RBFOX1: variants seen among roughly 807,000 people sequenced by gnomAD.
The protein encoded by RBFOX1 is RNA binding protein fox-1 homolog 1.
In RBFOX1, 8 loss-of-function variants were observed where a neutral mutation model predicts 57.7. The ratio of observed to expected loss-of-function variants is 0.14; its 90% CI spans 0.08 to 0.25. RBFOX1 has a LOEUF of 0.25. RBFOX1 is among the 10% of genes least tolerant of loss of function. The pLI, the probability that RBFOX1 is intolerant of heterozygous loss-of-function variation, is 1.00. For synonymous variants in RBFOX1, 326 were observed against 222.4 expected, an observed-to-expected ratio of 1.47 and a Z score of -4.15; for missense variants, 611 against 548.5, an observed-to-expected ratio of 1.11 and a Z score of -1.14.
chr16:6,951,259 AAT>A (rs1428132143), intron 3 of RBFOX1, among the ~76,000 whole-genome samples: 2 of 152,086 alleles, frequency 1.3e-5, no homozygotes. Context: ...AAAGAAACGT[AAT>A]AGAGTCACCC....
At chr16:6,619,631 C>T (rs1389973682) in intron 2 of RBFOX1, among the ~76,000 whole-genome samples, 1 of 151,094 alleles carries the variant, frequency 6.6e-6, no homozygotes, top group African/African-American at 2.4e-5. Context: ...GTGCGTAAAC[C>T]TGTGCCCCTG....
At chr16:7,170,390 G>T (rs952033951) in intron 4 of RBFOX1, among the ~76,000 whole-genome samples, 1 of 152,088 alleles carries the variant, frequency 6.6e-6, no homozygotes, top group Non-Finnish European at 1.5e-5. Context: ...TCTCACCTCA[G>T]CCTCCTGAGT....
chr16:6,048,287 C>G (rs896682083), intron 1 of RBFOX1, among the ~76,000 whole-genome samples: 1 of 152,148 alleles, frequency 6.6e-6, no homozygotes, highest in African/African-American at 2.4e-5. Context: ...ATTACACATG[C>G]CCTTCAAATA....
intron 3 of RBFOX1, among the ~76,000 whole-genome samples, chr16:6,902,617 G>T (rs377388891): frequency 2.0e-5 from 3 of 152,152 alleles, no homozygotes; most frequent in Non-Finnish European, 2.9e-5. Flanking sequence ...AGCTATTCAG[G>T]AGGCTCAGAA....
chr16:7,522,827 C>G (rs941633112), intron 5 of RBFOX1, among the ~76,000 whole-genome samples: 1 of 152,158 alleles, frequency 6.6e-6, no homozygotes, highest in Admixed American at 6.5e-5. Context: ...AAAGAAACCA[C>G]TTTTTAACAG....
chr16:7,645,644 A>G (rs2063601502), intron 11 of RBFOX1, among the ~76,000 whole-genome samples: 1 of 152,230 alleles, frequency 6.6e-6, no homozygotes, highest in Admixed American at 6.5e-5. Flanking sequence ...TTACTCTTCC[A>G]TGTGGAGCAT....
At chr16:5,888,781 G>C (rs990230755) in intron 4 of RBFOX1, among the ~76,000 whole-genome samples, 2 of 114,906 alleles carry the variant, frequency 1.7e-5, no homozygotes, top group East Asian at 5.1e-4. Flanking sequence ...TGGGCGACAA[G>C]AGCGAAACTC....
At chr16:7,194,763 A>C (rs2086269301) in intron 4 of RBFOX1, among the ~76,000 whole-genome samples, 1 of 102,470 alleles carries the variant, frequency 9.8e-6, no homozygotes, top group Non-Finnish European at 2.0e-5. Context: ...CCTCATCTCT[A>C]CAAAAACTAC....
intron 4 of RBFOX1, among the ~76,000 whole-genome samples, chr16:7,134,061 A>G (rs903193144): frequency 6.6e-6 from 1 of 152,190 alleles, no homozygotes; most frequent in Non-Finnish European, 1.5e-5. Flanking sequence ...TCAGTAATGG[A>G]GGGAATCACG....
intron 1 of RBFOX1, among the ~76,000 whole-genome samples, chr16:6,201,863 T>A (rs893269397): frequency 1.3e-5 from 2 of 152,196 alleles, no homozygotes; most frequent in African/African-American, 4.8e-5. Flanking sequence ...CTCTGTCAAC[T>A]CATGGACATA....
chr16:6,166,036 GA>G (rs2096914605), intron 1 of RBFOX1, among the ~76,000 whole-genome samples: 1 of 152,188 alleles, frequency 6.6e-6, no homozygotes, highest in Admixed American at 6.5e-5. Context: ...CAGTGGAGTG[GA>G]AAGTATTCCT....
chr16:6,785,226 T>G (rs2081731976), intron 3 of RBFOX1, among the ~76,000 whole-genome samples: 1 of 152,110 alleles, frequency 6.6e-6, no homozygotes, highest in East Asian at 1.9e-4. Flanking sequence ...TGAGGGAATC[T>G]CCCAGTCCGT....
chr16:7,113,640 G>A (rs565395442), intron 4 of RBFOX1, among the ~76,000 whole-genome samples: 70 of 152,188 alleles, frequency 4.6e-4, no homozygotes, highest in Non-Finnish European at 9.1e-4. Context: ...AGTGTCTTCT[G>A]ACTCAATATC....
chr16:7,315,462 C>CCCCA (rs2096415838), intron 4 of RBFOX1, among the ~76,000 whole-genome samples: 1 of 148,056 alleles, frequency 6.8e-6, no homozygotes, highest in African/African-American at 2.6e-5. Flanking sequence ...CCCTACCCCC[C>CCCCA]CCCCCATACT....
intron 2 of RBFOX1, among the ~76,000 whole-genome samples, chr16:5,483,898 T>C (rs1371788816): frequency 6.6e-6 from 1 of 152,184 alleles, no homozygotes; most frequent in Non-Finnish European, 1.5e-5. Context: ...GGGCCATGCA[T>C]GGTGGCTCAT....
intron 3 of RBFOX1, among the ~76,000 whole-genome samples, chr16:6,908,560 C>G (rs918289223): frequency 6.6e-6 from 1 of 152,184 alleles, no homozygotes. Flanking sequence ...TTCAGAGTGC[C>G]AAGCATGTCT....
chr16:7,391,035 G>T (rs977376600), intron 4 of RBFOX1, among the ~76,000 whole-genome samples: 1 of 152,288 alleles, frequency 6.6e-6, no homozygotes, highest in South Asian at 2.1e-4. Context: ...AGGCTCATTG[G>T]TAAGCCTTGT....
At chr16:6,653,145 C>A (rs142967627) in intron 2 of RBFOX1, among the ~76,000 whole-genome samples, 1 of 152,116 alleles carries the variant, frequency 6.6e-6, no homozygotes, top group South Asian at 2.1e-4. Context: ...TGGCTCATCC[C>A]CCTAACTTCC....
intron 1 of RBFOX1, among the ~76,000 whole-genome samples, chr16:5,311,498 G>C (rs2064088532): frequency 6.6e-6 from 1 of 152,168 alleles, no homozygotes. Context: ...AAAGGTTGTA[G>C]TAATTTACTT....
Sources: allele counts gnomAD v4.1 joint callset (sites outside exome capture counted in the v4.1 genomes callset), GRCh38; gene constraint gnomAD v4.1.1; transcripts MANE v1.5; gene names NCBI Gene and HGNC (gene_info 2026-07-23, HGNC 2026-07-21).